PTPRT: variants seen among roughly 807,000 people sequenced by gnomAD.
PTPRT encodes protein tyrosine phosphatase receptor type T, also known as receptor-type tyrosine-protein phosphatase T.
A neutral mutation model predicts 176.8 loss-of-function variants in PTPRT; 56 were observed. The ratio of observed to expected loss-of-function variants is 0.32; its 90% CI spans 0.26 to 0.40. The LOEUF is 0.40. Ranked by LOEUF, PTPRT falls within the 10% of genes least tolerant of loss-of-function variation. The pLI is 1.00. For missense variants in PTPRT, 1,540 were observed against 1,908.2 expected (o/e 0.81, Z 3.60); for synonymous variants, 783 against 739.0 (o/e 1.06, Z -0.96).
intron 1 of PTPRT, among the ~76,000 whole-genome samples, chr20:43,144,663 A>C (rs1251158153): frequency 6.6e-6 from 1 of 152,118 alleles, no homozygotes; most frequent in Admixed American, 6.5e-5. Context: ...CTGGGGCTGG[A>C]GGTAGGGTGA....
intron 1 of PTPRT, 123 bp from the exon 2 acceptor site, chr20:42,886,055 A>T (rs1017265221): frequency 1.3e-5 from 5 of 371,170 alleles, no homozygotes; most frequent in African/African-American, 9.2e-5. Context: ...TTTTCCATAT[A>T]TATATATATA....
chr20:42,355,571 A>T (rs1213919359), intron 9 of PTPRT, among the ~76,000 whole-genome samples: 1 of 152,186 alleles, frequency 6.6e-6, no homozygotes, highest in East Asian at 1.9e-4. Flanking sequence ...GTTTGGACAG[A>T]GCAAAGCCCA....
At chr20:42,597,049 G>A (rs1325546535) in intron 7 of PTPRT, among the ~76,000 whole-genome samples, 1 of 152,164 alleles carries the variant, frequency 6.6e-6, no homozygotes, top group Non-Finnish European at 1.5e-5. Context: ...CTCCGCTCAA[G>A]GTCCCACAAA....
intron 2 of PTPRT, among the ~76,000 whole-genome samples, chr20:42,883,763 C>T (rs2079051780): frequency 9.5e-4 from 1 of 1,056 alleles, no homozygotes; most frequent in Non-Finnish European, 2.2e-3. Flanking sequence ...CATACACATG[C>T]ACACACACCC....
intron 7 of PTPRT, among the ~76,000 whole-genome samples, chr20:42,524,674 T>C (rs1459539356): frequency 4.6e-5 from 7 of 152,200 alleles, no homozygotes; most frequent in African/African-American, 1.7e-4. Flanking sequence ...CTGTCATCAG[T>C]TCTAGAAAGT....
chr20:42,759,643 G>A (rs140806422), intron 5 of PTPRT, among the ~76,000 whole-genome samples: 27 of 152,316 alleles, frequency 1.8e-4, no homozygotes, highest in Admixed American at 5.9e-4. Flanking sequence ...GAAAAATTCC[G>A]TCAGATAAGG....
intron 1 of PTPRT, among the ~76,000 whole-genome samples, chr20:43,120,545 G>A (rs892159196): frequency 5.3e-5 from 8 of 152,164 alleles, no homozygotes; most frequent in African/African-American, 2.4e-5. Flanking sequence ...TGCTGGGATT[G>A]CAGGCGTGAG....
chr20:43,068,916 G>A (rs2011147223), intron 1 of PTPRT, among the ~76,000 whole-genome samples: 1 of 152,148 alleles, frequency 6.6e-6, no homozygotes, highest in Non-Finnish European at 1.5e-5. Context: ...AAGGTCACTG[G>A]AGTTGCAGGG....
At chr20:42,194,305 G>T (rs954423690) in intron 16 of PTPRT, among the ~76,000 whole-genome samples, 2 of 152,232 alleles carry the variant, frequency 1.3e-5, no homozygotes, top group Admixed American at 6.5e-5. Flanking sequence ...ACACTTAGCA[G>T]AGAGCTAGAT....
At chr20:42,668,786 G>A (rs1297453300) in intron 7 of PTPRT, among the ~76,000 whole-genome samples, 2 of 151,362 alleles carry the variant, frequency 1.3e-5, no homozygotes, top group Non-Finnish European at 2.9e-5. Context: ...CCGCCTCCTG[G>A]GTTCACGCCA....
chr20:42,101,588 C>T (rs1002142308), intron 26 of PTPRT, among the ~76,000 whole-genome samples: 5 of 152,268 alleles, frequency 3.3e-5, no homozygotes, highest in African/African-American at 7.2e-5. Flanking sequence ...GAACACAGCC[C>T]GCTTCCACCC....
chr20:42,075,142 A>G lies in PTPRT; in HGVS notation c.*5737T>C, dbSNP rs1982647599. On this transcript the variant is annotated 3_prime_UTR_variant, in exon 31 of 31. Coordinates refer to ENST00000373187, the MANE Select transcript of PTPRT (RefSeq NM_007050.6). The stretch of plus-strand genomic sequence containing the variant: ...AAAACCTCCAACAGGGAAACTTTGC[A>G]TGGGAGGAGTAAACAAATCTGAATC... 1 of 310,070 alleles carries G rather than the reference A, an allele frequency of 3.2e-6. No homozygotes were observed. Among genetic ancestry groups the G allele is most frequent in the Non-Finnish European group, 5.9e-6 (1 of 169,780 alleles). 19.2% of individuals were successfully genotyped at this position (310,070 alleles called of 1,614,324 possible). A position where few individuals can be genotyped will look rare whatever the true frequency, so the allele number is the denominator to read the frequency against.
chr20:42,372,918 TTATAAGTTATC>T (rs2058605988), intron 9 of PTPRT, among the ~76,000 whole-genome samples: 1 of 152,198 alleles, frequency 6.6e-6, no homozygotes, highest in Non-Finnish European at 1.5e-5. Flanking sequence ...TTTCTGTTCT[TTATAAGTTATC>T]CTGTGTGTGG....
intron 1 of PTPRT, among the ~76,000 whole-genome samples, chr20:43,142,453 A>G (rs1327880149): frequency 6.6e-6 from 1 of 152,218 alleles, no homozygotes; most frequent in African/African-American, 2.4e-5. Context: ...CCCTCAAAGA[A>G]GAGTGAGTCC....
At position 42,886,050 on chromosome 20, in the gene PTPRT, C is replaced by T. The variant is rs60684890; in HGVS notation, c.89-118G>A. 5,151 of 339,302 alleles carry T rather than the reference C, an allele frequency of 0.015. 94 individuals carry two copies. The highest frequency in any genetic ancestry group is 0.059 in the African/African-American group (2,468 of 41,990). The allele number at this position is 339,302 out of a possible 1,614,324, so 21.0% of individuals were successfully genotyped here. On this transcript the variant is annotated intron_variant, in intron 1 of 30. Coordinates refer to ENST00000373187, the MANE Select transcript of PTPRT (RefSeq NM_007050.6). Reference sequence around the variant, plus strand: ...ATTTTAAACTCTGGAGAAGATTTTCCATATATATATATATATATATAAAAG... The same window carrying T: ...ATTTTAAACTCTGGAGAAGATTTTCTATATATATATATATATATATAAAAG...
intron 9 of PTPRT, among the ~76,000 whole-genome samples, chr20:42,355,876 T>C (rs1422814141): frequency 6.6e-6 from 1 of 152,148 alleles, no homozygotes; most frequent in Non-Finnish European, 1.5e-5. Flanking sequence ...CAAAAGCAAC[T>C]CAATTTCCAC....
At chr20:42,923,938 G>A (rs1385139095) in intron 1 of PTPRT, among the ~76,000 whole-genome samples, 1 of 152,004 alleles carries the variant, frequency 6.6e-6, no homozygotes, top group East Asian at 1.9e-4. Flanking sequence ...TTCACCTCCT[G>A]GGTTCAAACG....
At chr20:42,802,618 A>T (rs1396491690) in intron 2 of PTPRT, among the ~76,000 whole-genome samples, 1 of 152,228 alleles carries the variant, frequency 6.6e-6, no homozygotes, top group Admixed American at 6.5e-5. Context: ...TTATTTTTTT[A>T]ACGTAAAGGT....
At chr20:42,184,501 T>TTCCTCC (rs754187865) in intron 16 of PTPRT, among the ~76,000 whole-genome samples, 1 of 85,040 alleles carries the variant, frequency 1.2e-5, no homozygotes, top group Non-Finnish European at 2.4e-5. Flanking sequence ...TCCTCCCCCC[T>TTCCTCC]TCCTCCTCCT....
Sources: allele counts gnomAD v4.1 joint callset (sites outside exome capture counted in the v4.1 genomes callset), GRCh38; gene constraint gnomAD v4.1.1; transcripts MANE v1.5; gene names NCBI Gene and HGNC (gene_info 2026-07-23, HGNC 2026-07-21).